Variants in IL6R observed in about 807,000 individuals in gnomAD.
IL6R encodes interleukin 6 receptor.
In IL6R, 38 loss-of-function variants were observed where a neutral mutation model predicts 48.3. That is an observed-to-expected ratio of 0.79 (90% CI 0.61 to 1.03). The LOEUF (loss-of-function observed/expected upper bound fraction) is 1.03, where lower values mean the gene tolerates loss of function less well. IL6R is among the 50% of genes least tolerant of loss of function. The probability of loss-of-function intolerance (pLI) is 0.00; values close to 1 mark genes in which losing one functional copy is unlikely to be tolerated. For missense variants in IL6R, 534 were observed against 618.3 expected (o/e 0.86, Z 1.45); for synonymous variants, 264 against 256.2 (o/e 1.03, Z -0.29).
chr1:154,443,236 C>T (rs778472875), intron 6 of IL6R, among the ~76,000 whole-genome samples: 1 of 152,214 alleles, frequency 6.6e-6, no homozygotes, highest in Admixed American at 6.5e-5. Context: ...TGAGGGGGTG[C>T]CCTGAAGCCA....
At chr1:154,435,312 C>G (rs1156992901) in intron 5 of IL6R, among the ~76,000 whole-genome samples, 156 bp downstream of exon 5, 1 of 152,144 alleles carries the variant, frequency 6.6e-6, no homozygotes, top group Non-Finnish European at 1.5e-5. Flanking sequence ...GAGTTCGAGA[C>G]CATCCTGGCC....
rs371508924 is a variant in IL6R, at chr1:154,434,552, G to A, written c.492G>A (p.Pro164=). 19 of 1,613,832 alleles carry A rather than the reference G, an allele frequency of 1.2e-5. No homozygotes were observed. Among genetic ancestry groups the A allele is most frequent in the South Asian group, 6.6e-5 (6 of 91,072 alleles). ...QNSPAEDFQE[P]CQYSQESQKF... is the part of the protein sequence containing the mutation. ...GTCCGGCCGAAGACTTCCAGGAGCCGTGCCAGTATTCCCAGGAGTCCCAGA... is the reference window on the plus strand; with the variant it reads ...GTCCGGCCGAAGACTTCCAGGAGCCATGCCAGTATTCCCAGGAGTCCCAGA... The change falls in exon 4 of 10, where the codon CCG becomes CCA. Residue 164 remains proline, a synonymous_variant. Coordinates refer to ENST00000368485, the MANE Select transcript of IL6R (RefSeq NM_000565.4).
At chr1:154,410,832 T>A (rs2149204819) in intron 1 of IL6R, among the ~76,000 whole-genome samples, 1 of 152,316 alleles carries the variant, frequency 6.6e-6, no homozygotes, top group South Asian at 2.1e-4. Flanking sequence ...CCAACCGCTT[T>A]CCCGAAAAGC....
At chr1:154,447,746 C>T (rs1462084016) in intron 6 of IL6R, among the ~76,000 whole-genome samples, 1 of 135,918 alleles carries the variant, frequency 7.4e-6, no homozygotes, top group Non-Finnish European at 1.7e-5. Flanking sequence ...CGGAGTTTTG[C>T]TCTTATTGCC....
Position 154,435,043 on chromosome 1 carries a change from C to A in IL6R, c.694C>A (p.Arg232Ser). The A allele has an allele frequency of 6.2e-7, 1 of 1,614,184 alleles. No homozygotes were observed. Among genetic ancestry groups the A allele is most frequent in the Non-Finnish European group, 8.5e-7 (1 of 1,180,016 alleles). ...ITVTAVARNP[R>S]WLSVTWQDPH... ...AGTCACTGCCGTGGCCAGAAACCCC[C>A]GCTGGCTCAGTGTCACCTGGCAAGA... The change falls in exon 5 of 10, where the codon CGC (arginine) becomes AGC (serine). Residue 232 changes from arginine to serine, a missense_variant. By Grantham distance (110) the Arg-to-Ser change is moderately radical. Transcript: ENST00000368485.
intron 9 of IL6R, among the ~76,000 whole-genome samples, chr1:154,461,201 A>G (rs1311221764): frequency 6.6e-6 from 1 of 152,216 alleles, no homozygotes; most frequent in Non-Finnish European, 1.5e-5. Context: ...ATGAGCTTCG[A>G]AGAGGAACCA....
chr1:154,423,260 A>T (rs867802494), intron 1 of IL6R, among the ~76,000 whole-genome samples: 2 of 85,476 alleles, frequency 2.3e-5, no homozygotes, highest in Admixed American at 1.5e-4. Flanking sequence ...TGTTTAATTA[A>T]ATATATATAT....
intron 6 of IL6R, among the ~76,000 whole-genome samples, chr1:154,442,788 CTTTT>C (rs10539207): frequency 3.6e-5 from 5 of 137,394 alleles, no homozygotes; most frequent in Non-Finnish European, 6.0e-5. Context: ...TCATTTTCTT[CTTTT>C]TTTTTTTTTT....
intron 9 of IL6R, 36 bp downstream of exon 9, chr1:154,454,617 C>G (rs1428824237): frequency 7.3e-7 from 1 of 1,360,630 alleles, no homozygotes; most frequent in Admixed American, 1.7e-5. Context: ...CTGTGGTGTT[C>G]TCATATTTCT....
intron 3 of IL6R, among the ~76,000 whole-genome samples, chr1:154,431,867 G>C (rs556249563): frequency 6.6e-6 from 1 of 152,326 alleles, no homozygotes; most frequent in South Asian, 2.1e-4. Flanking sequence ...GGGCGGGACG[G>C]TGTGAAATCT....
At chr1:154,441,106 C>G (rs906788289) in intron 6 of IL6R, among the ~76,000 whole-genome samples, 4 of 152,228 alleles carry the variant, frequency 2.6e-5, no homozygotes, top group African/African-American at 9.6e-5. Flanking sequence ...CTAGTCTGCT[C>G]TCTCTGAATT....
chr1:154,444,255 C>T (rs1690090441), intron 6 of IL6R, among the ~76,000 whole-genome samples: 1 of 146,202 alleles, frequency 6.8e-6, no homozygotes, highest in African/African-American at 2.6e-5. Flanking sequence ...GTTGCCTAGG[C>T]TGGAGTGCAA....
intron 9 of IL6R, among the ~76,000 whole-genome samples, chr1:154,462,962 G>A (rs1050918510): frequency 2.9e-4 from 44 of 151,694 alleles, no homozygotes; most frequent in African/African-American, 1.0e-3. Context: ...CATGCGCCAC[G>A]ACACCCGGCT....
At chr1:154,429,508 G>C in intron 2 of IL6R, 64 bp downstream of exon 2, 1 of 1,539,950 alleles carries the variant, frequency 6.5e-7, no homozygotes, top group Non-Finnish European at 8.8e-7. Context: ...GTGCATTCCA[G>C]ACAGTCCCTG....
intron 8 of IL6R, 124 bp downstream of exon 8, chr1:154,450,104 CTGTGTGTGTGTGTGTGTGTGTG>C (rs71586016): frequency 3.7e-5 from 18 of 480,838 alleles, no homozygotes; most frequent in Non-Finnish European, 7.1e-5. Context: ...CAGAAATGTT[CTGTGTGTGTGTGTGTGTGTGTG>C]TGTGTGTGTG....
intron 8 of IL6R, among the ~76,000 whole-genome samples, chr1:154,452,592 G>A (rs1223420777): frequency 6.6e-6 from 1 of 152,090 alleles, no homozygotes; most frequent in African/African-American, 2.4e-5. Context: ...CAGCACTTTG[G>A]GAGCCGAGGC....
At chr1:154,459,076 C>T (rs1329834191) in intron 9 of IL6R, among the ~76,000 whole-genome samples, 2 of 152,198 alleles carry the variant, frequency 1.3e-5, no homozygotes, top group Non-Finnish European at 2.9e-5. Context: ...CTGAGAGTCC[C>T]TGCCCATGGT....
At chr1:154,423,850 G>GA (rs1037042944) in intron 1 of IL6R, among the ~76,000 whole-genome samples, 1 of 151,766 alleles carries the variant, frequency 6.6e-6, no homozygotes, top group South Asian at 2.1e-4. Flanking sequence ...GTGGAAGAGG[G>GA]AAAAAAAAGT....
intron 1 of IL6R, among the ~76,000 whole-genome samples, chr1:154,416,496 G>A (rs1262455635): frequency 6.6e-6 from 1 of 152,076 alleles, no homozygotes. Context: ...TTAATGCCGA[G>A]TCTTCCTATC....
Sources: allele counts gnomAD v4.1 joint callset (sites outside exome capture counted in the v4.1 genomes callset), GRCh38; gene constraint gnomAD v4.1.1; transcripts MANE v1.5; gene names NCBI Gene and HGNC (gene_info 2026-07-23, HGNC 2026-07-21).